The following TBC1D10A variants were observed in gnomAD, a reference collection of about 807,000 sequenced individuals.
TBC1D10A encodes the protein EBP50-PDX interactor of 64 kDa.
Under a neutral mutation model 52.9 loss-of-function variants are expected in TBC1D10A, and 24 were observed. The ratio of observed to expected loss-of-function variants is 0.45; its 90% CI spans 0.33 to 0.64. The LOEUF (loss-of-function observed/expected upper bound fraction) is 0.64, where lower values mean the gene tolerates loss of function less well. TBC1D10A is among the 30% of genes least tolerant of loss of function. TBC1D10A has a pLI of 0.02. For synonymous variants in TBC1D10A, 278 were observed against 282.9 expected, an observed-to-expected ratio of 0.98 and a Z score of 0.17; for missense variants, 602 against 687.9, an observed-to-expected ratio of 0.88 and a Z score of 1.40.
At chr22:30,313,118 C>G (rs1930458809) in intron 1 of TBC1D10A, among the ~76,000 whole-genome samples, 1 of 152,102 alleles carries the variant, frequency 6.6e-6, no homozygotes, top group Non-Finnish European at 1.5e-5. Context: ...AAAGAACACA[C>G]CAGGCAAAAC....
Position 30,292,306 on chromosome 22 carries a change from T to G in TBC1D10A, c.*69A>C. ...CTTGGCCCTCAGAGGGTGGGCAGGA[T>G]GTGGAATGTCAGTTCATGAACCGTG... On this transcript the variant is annotated 3_prime_UTR_variant, in exon 9 of 9. Coordinates refer to ENST00000215790, the MANE Select transcript of TBC1D10A (RefSeq NM_031937.3). 1 of 1,361,910 alleles carries G rather than the reference T, an allele frequency of 7.3e-7. No individual in the cohort carries two copies. Among genetic ancestry groups the G allele is most frequent in the Non-Finnish European group, 9.9e-7 (1 of 1,009,922 alleles). The allele number at this position is 1,361,910 out of a possible 1,614,324, so 84.4% of individuals were successfully genotyped here.
chr22:30,299,792 C>A, intron 2 of TBC1D10A: 1 of 353,232 alleles, frequency 2.8e-6, no homozygotes, highest in Non-Finnish European at 5.3e-6. Context: ...CATGGTGAAA[C>A]CCCGTGTCTA....
intron 1 of TBC1D10A, among the ~76,000 whole-genome samples, chr22:30,308,303 CCTGCCTGCCTGCATGCCTGCA>C (rs1930355308): frequency 1.0e-4 from 14 of 139,826 alleles, no homozygotes; most frequent in South Asian, 4.4e-4. Context: ...TGCCTGCATG[CCTGCCTGCCTGCATGCCTGCA>C]TGCCTGCATG....
chr22:30,316,039 A>G (rs962253231), intron 1 of TBC1D10A, among the ~76,000 whole-genome samples: 10 of 152,182 alleles, frequency 6.6e-5, no homozygotes, highest in African/African-American at 2.4e-4. Flanking sequence ...AACAGGGTAA[A>G]ATAATAGCCT....
At chr22:30,295,087 CG>C in intron 4 of TBC1D10A, 32 bp from the exon 5 acceptor site, 1 of 1,606,722 alleles carries the variant, frequency 6.2e-7, no homozygotes, top group Non-Finnish European at 8.5e-7. Flanking sequence ...CAGTGATGAC[CG>C]GGGTGACTCT....
At chr22:30,293,477 C>T (rs1929996560) in intron 8 of TBC1D10A, 174 bp downstream of exon 8, 1 of 986,516 alleles carries the variant, frequency 1.0e-6, no homozygotes, top group Non-Finnish European at 1.5e-6. Flanking sequence ...CCTCTCTGTG[C>T]CCCATGCTCT....
In TBC1D10A at chr22:30,297,464, A is replaced by G. The variant is rs963913656; in HGVS notation, c.418-1621T>C. The G allele has an allele frequency of 3.3e-5, 5 of 152,224 alleles. No homozygotes were observed. The highest frequency in any genetic ancestry group is 1.2e-4 in the African/African-American group (5 of 41,430). The allele number at this position is 152,224 out of a possible 1,614,324, so 9.4% of individuals were successfully genotyped here. A position where few individuals can be genotyped will look rare whatever the true frequency, so the allele number is the denominator to read the frequency against. Reference sequence around the variant, plus strand: ...TGTTCATCTGGCACTTCAGCAGCCTAAGGCACTTGGCCACACATGGTTGGT... The same window carrying G: ...TGTTCATCTGGCACTTCAGCAGCCTGAGGCACTTGGCCACACATGGTTGGT... On this transcript the variant is annotated intron_variant, in intron 3 of 8. Coordinates refer to ENST00000215790, the MANE Select transcript of TBC1D10A (RefSeq NM_031937.3). This position sits in a 1 kb window ranked among gnomAD's most constrained non-coding sequence, Gnocchi z 4.3.
chr22:30,304,670 G>A (rs1424018794), intron 1 of TBC1D10A, 40 bp from the exon 2 acceptor site: 1 of 1,605,168 alleles, frequency 6.2e-7, no homozygotes, highest in Admixed American at 1.7e-5. Flanking sequence ...GGTGCCAAGG[G>A]AAGCAAAGGC....
chr22:30,292,991 A>G, intron 8 of TBC1D10A, 140 bp from the exon 9 acceptor site: 1 of 946,588 alleles, frequency 1.1e-6, no homozygotes, highest in Non-Finnish European at 1.6e-6. Flanking sequence ...ATGAGGGTCT[A>G]GTCCCAAGCT....
At chr22:30,295,355 C>T (rs1213024685) in intron 4 of TBC1D10A, among the ~76,000 whole-genome samples, 1 of 152,164 alleles carries the variant, frequency 6.6e-6, no homozygotes, top group Non-Finnish European at 1.5e-5. Context: ...AGTAGGGGCC[C>T]CTCACTCAGC....
chr22:30,295,430 A>G (rs13056253), intron 4 of TBC1D10A, among the ~76,000 whole-genome samples: 18,787 of 152,088 alleles, frequency 0.12, 1,254 homozygotes, highest in Middle Eastern at 0.22. Context: ...TGCCTGCCCT[A>G]TCTCTCCCCT....
rs561563977 is a variant in TBC1D10A, at chr22:30,310,899, G to A, written c.210-6269C>T. ...CCCTCTTCTTATCACCCTCTGTGCC[G>A]AGAAAGGCAGGGGTGAATAACGTGA... On this transcript the variant is annotated intron_variant, in intron 1 of 8. Coordinates refer to ENST00000215790, the MANE Select transcript of TBC1D10A (RefSeq NM_031937.3). Among the ~76,000 whole-genome samples, 5 of 152,254 alleles carry A rather than the reference G, an allele frequency of 3.3e-5. No homozygotes were observed. The South Asian group carries it at 8.3e-4, about 25-fold the overall frequency.
chr22:30,311,994 T>G (rs948204634), intron 1 of TBC1D10A, among the ~76,000 whole-genome samples: 4 of 152,198 alleles, frequency 2.6e-5, no homozygotes, highest in African/African-American at 9.7e-5. Context: ...GGTTTCACCG[T>G]GTTGCCCAGG....
intron 1 of TBC1D10A, among the ~76,000 whole-genome samples, chr22:30,324,878 T>C (rs974273722): frequency 2.0e-5 from 3 of 152,184 alleles, no homozygotes; most frequent in Non-Finnish European, 2.9e-5. Flanking sequence ...TTTCCTAATA[T>C]ATCACATTGC....
intron 3 of TBC1D10A, chr22:30,299,206 C>A: frequency 2.1e-6 from 1 of 466,526 alleles, no homozygotes; most frequent in East Asian, 3.7e-5. Flanking sequence ...CCAAATCTGG[C>A]CATTCCACTG....
At chr22:30,319,897 C>G (rs1431507927) in intron 1 of TBC1D10A, among the ~76,000 whole-genome samples, 1 of 152,198 alleles carries the variant, frequency 6.6e-6, no homozygotes, top group East Asian at 1.9e-4. Context: ...GGGCTCTGCT[C>G]TAGTCGGCAA....
Position 30,292,132 on chromosome 22 carries a change from C to T in TBC1D10A, c.*243G>A. On this transcript the variant is annotated 3_prime_UTR_variant, in exon 9 of 9. Coordinates refer to ENST00000215790, the MANE Select transcript of TBC1D10A (RefSeq NM_031937.3). ...GGGGGCTGAAGGAGGCCCCACCCCC[C>T]AGGCCCTAGCTTCTGCCTGCCCTGG... The T allele has an allele frequency of 2.3e-6, 1 of 434,788 alleles. No homozygotes were observed. Among genetic ancestry groups the T allele is most frequent in the Admixed American group, 3.9e-5 (1 of 25,772 alleles). The allele number at this position is 434,788 out of a possible 1,614,324, so 26.9% of individuals were successfully genotyped here. A position where few individuals can be genotyped will look rare whatever the true frequency, so the allele number is the denominator to read the frequency against.
intron 1 of TBC1D10A, among the ~76,000 whole-genome samples, chr22:30,319,131 T>C (rs1270944082): frequency 6.6e-6 from 1 of 152,202 alleles, no homozygotes; most frequent in African/African-American, 2.4e-5. Context: ...ACTTTGCACA[T>C]GGGCCCCCTC....
intron 1 of TBC1D10A, among the ~76,000 whole-genome samples, chr22:30,326,012 T>G (rs1930762936): frequency 6.6e-6 from 1 of 152,112 alleles, no homozygotes; most frequent in East Asian, 1.9e-4. Context: ...TATGAGCGGA[T>G]AGGGGGCCCT....
Sources: allele counts gnomAD v4.1 joint callset (sites outside exome capture counted in the v4.1 genomes callset), GRCh38; gene constraint gnomAD v4.1.1; non-coding constraint Gnocchi (gnomAD v3.1); transcripts MANE v1.5; gene names NCBI Gene and HGNC (gene_info 2026-07-23, HGNC 2026-07-21).